TMEM154: variants seen among roughly 807,000 people sequenced by gnomAD.
TMEM154 encodes transmembrane protein 154.
TMEM154 carries 27 observed loss-of-function variants against 24.5 expected under a neutral mutation model. The ratio of observed to expected loss-of-function variants is 1.10; its 90% CI spans 0.81 to 1.52. The LOEUF is 1.52. Among genes scored for constraint, TMEM154 ranks in the 40% most tolerant of loss-of-function variants. TMEM154 has a pLI of 0.00. For missense variants in TMEM154, 228 were observed against 213.4 expected, an observed-to-expected ratio of 1.07 and a Z score of -0.43; for synonymous variants, 67 against 76.8, an observed-to-expected ratio of 0.87 and a Z score of 0.67.
At chr4:152,659,849 T>G (rs1291134952) in intron 1 of TMEM154, among the ~76,000 whole-genome samples, 1 of 152,228 alleles carries the variant, frequency 6.6e-6, no homozygotes, top group East Asian at 1.9e-4. Flanking sequence ...TAATTTATAA[T>G]TAGGCACAGT....
Position 152,634,142 on chromosome 4 carries a change from T to C in TMEM154, c.537-5581A>G, listed in dbSNP as rs75837742. Reference sequence around the variant, plus strand: ...TTTAATTGATTAGAAAGCATCATTGTATTGTTTTCTTTAAGAAGGCATGTA... The same window carrying C: ...TTTAATTGATTAGAAAGCATCATTGCATTGTTTTCTTTAAGAAGGCATGTA... On this transcript the variant is annotated intron_variant, in intron 6 of 6. Transcript: ENST00000304385. Among the ~76,000 whole-genome samples the C allele has an allele frequency of 7.9e-5, 12 of 152,166 alleles. No homozygotes were observed. The East Asian group carries it at 2.3e-3, about 29-fold the overall frequency.
At chr4:152,676,862 C>T (rs1291742068) in intron 1 of TMEM154, among the ~76,000 whole-genome samples, 1 of 152,194 alleles carries the variant, frequency 6.6e-6, no homozygotes, top group Non-Finnish European at 1.5e-5. Flanking sequence ...GCCACCAAAA[C>T]AGTCACAGCA....
At chr4:152,632,850 G>T (rs577140588) in intron 6 of TMEM154, among the ~76,000 whole-genome samples, 1 of 152,082 alleles carries the variant, frequency 6.6e-6, no homozygotes, top group African/African-American at 2.4e-5. Context: ...TTTCTTAGCC[G>T]GAGTTTCTTA....
At chr4:152,640,855 G>T (rs1579514078) in intron 6 of TMEM154, 73 bp downstream of exon 6, 3 of 1,339,384 alleles carry the variant, frequency 2.2e-6, no homozygotes, top group East Asian at 2.3e-5. Flanking sequence ...TAAGCAAAAA[G>T]TGTTCCACCC....
intron 1 of TMEM154, among the ~76,000 whole-genome samples, chr4:152,675,398 A>C (rs1319775903): frequency 3.3e-5 from 5 of 152,104 alleles, no homozygotes; most frequent in Non-Finnish European, 5.9e-5. Context: ...GAGGCCGAGG[A>C]GGGTGGATCT....
At position 152,678,323 on chromosome 4, in the gene TMEM154, C is replaced by T. The variant is rs189460308; in HGVS notation, c.64+1547G>A. Among the ~76,000 whole-genome samples, 12 of 151,988 alleles carry T rather than the reference C, an allele frequency of 7.9e-5. No individual in the cohort carries two copies. The East Asian group carries it at 1.9e-3, about 24-fold the overall frequency. Reference sequence around the variant, plus strand: ...TTCTCTTTTTGCATCTCCTGAATTGCAGACACTAGGACTCAATCATTTTTT... The same window carrying T: ...TTCTCTTTTTGCATCTCCTGAATTGTAGACACTAGGACTCAATCATTTTTT... On this transcript the variant is annotated intron_variant, in intron 1 of 6. Coordinates refer to ENST00000304385, the MANE Select transcript of TMEM154 (RefSeq NM_152680.3).
At chr4:152,640,256 A>G (rs1448746438) in intron 6 of TMEM154, among the ~76,000 whole-genome samples, 2 of 152,188 alleles carry the variant, frequency 1.3e-5, no homozygotes, top group Non-Finnish European at 2.9e-5. Context: ...AGTACCTCCA[A>G]GGTCACAGCA....
In TMEM154 at chr4:152,646,689, TC is replaced by T. The variant is rs201826634; in HGVS notation, c.365-2248del. On this transcript the variant is annotated intron_variant, in intron 3 of 6. Transcript: ENST00000304385. ...TTGTCCTCCTCCTTCAGTTCCTACT[TC>T]CCCCCCACTTAGCCTGACAGTACTC... 5.1e-3 allele frequency: 2,064 copies of T among 405,514 alleles called. 38 individuals are homozygous for T. Among genetic ancestry groups the T allele is most frequent in the African/African-American group, 0.039 (1,904 of 48,354 alleles). 25.1% of individuals were successfully genotyped at this position (405,514 alleles called of 1,614,324 possible).
intron 1 of TMEM154, among the ~76,000 whole-genome samples, chr4:152,675,234 T>A (rs1363807577): frequency 2.7e-5 from 4 of 149,370 alleles, no homozygotes; most frequent in Non-Finnish European, 5.9e-5. Context: ...AAACTTTAGC[T>A]AAAAGTTACC....
At chr4:152,640,871 C>T in intron 6 of TMEM154, 57 bp downstream of exon 6, 1 of 1,365,752 alleles carries the variant, frequency 7.3e-7, no homozygotes, top group Non-Finnish European at 1.0e-6. Flanking sequence ...CACCCTGGTT[C>T]CCAATCCCCC....
intron 5 of TMEM154, 171 bp from the exon 6 acceptor site, chr4:152,641,156 A>C: frequency 1.8e-6 from 1 of 562,150 alleles, no homozygotes. Context: ...AAGGCTCTTG[A>C]AATGGAAAAA....
At chr4:152,638,157 T>C (rs13116699) in intron 6 of TMEM154, among the ~76,000 whole-genome samples, 8,753 of 152,248 alleles carry the variant, frequency 0.057, 294 homozygotes, top group Non-Finnish European at 0.076. Context: ...TCCCAACTAC[T>C]CTGGAGGCTA....
chr4:152,676,314 G>A (rs951605120), intron 1 of TMEM154, among the ~76,000 whole-genome samples: 7 of 152,198 alleles, frequency 4.6e-5, no homozygotes, highest in Non-Finnish European at 5.9e-5. Context: ...TGCACCTACA[G>A]CTGGAAAGGT....
Position 152,657,457 on chromosome 4 carries a change from T to C in TMEM154, c.65-4530A>G, listed in dbSNP as rs867337979. On this transcript the variant is annotated intron_variant, in intron 1 of 6. Transcript: ENST00000304385. ...TGAGCCCTGGAGGCAGAGGTTGCAG[T>C]GAGCTGAGATTGTGCCACTGTACTT... Among the ~76,000 whole-genome samples, 6 of 152,182 alleles carry C rather than the reference T, an allele frequency of 3.9e-5. 1 individual carries two copies. Among genetic ancestry groups the C allele is most frequent in the Non-Finnish European group, 4.4e-5 (3 of 68,004 alleles).
intron 1 of TMEM154, among the ~76,000 whole-genome samples, chr4:152,664,814 C>T (rs1438587372): frequency 6.6e-6 from 1 of 152,168 alleles, no homozygotes; most frequent in African/African-American, 2.4e-5. Context: ...TGAAAGAAAA[C>T]ATGTCAGATG....
At chr4:152,662,153 C>T (rs1728625317) in intron 1 of TMEM154, among the ~76,000 whole-genome samples, 1 of 152,044 alleles carries the variant, frequency 6.6e-6, no homozygotes, top group African/African-American at 2.4e-5. Context: ...AGTTTGCACA[C>T]AGGCAAGCAA....
chr4:152,666,774 C>G lies in TMEM154; in HGVS notation c.64+13096G>C, dbSNP rs1210322539. The G allele has an allele frequency of 3.9e-5, 6 of 152,236 alleles. No individual in the cohort carries two copies. In the East Asian group the frequency reaches 1.2e-3, roughly 29 times the overall value. 9.4% of individuals were successfully genotyped at this position (152,236 alleles called of 1,614,324 possible). ...CCATGCCAGACTCTTCAGGACACAA[C>G]CTGGCTATGGGAGGCTGATTGTGTT... On this transcript the variant is annotated intron_variant, in intron 1 of 6. Transcript: ENST00000304385.
At chr4:152,664,322 A>G (rs1226741090) in intron 1 of TMEM154, among the ~76,000 whole-genome samples, 1 of 152,024 alleles carries the variant, frequency 6.6e-6, no homozygotes, top group Non-Finnish European at 1.5e-5. Context: ...GGAGTTGAAC[A>G]ATGACAATAC....
At chr4:152,668,295 TG>T (rs1302654706) in intron 1 of TMEM154, 3 of 141,914 alleles carry the variant, frequency 2.1e-5, no homozygotes, top group Non-Finnish European at 3.0e-5. Flanking sequence ...TGCTTTGAAA[TG>T]AAAAAAAAAA....
Sources: gnomAD v4.1 joint callset for allele counts (sites outside exome capture counted in the v4.1 genomes callset) on GRCh38, gnomAD v4.1.1 for gene constraint, MANE v1.5 for transcripts, NCBI Gene and HGNC (gene_info 2026-07-23, HGNC 2026-07-21) for gene names.